The following ANKFN1 variants were observed in gnomAD, a reference collection of about 807,000 sequenced individuals.
ANKFN1 encodes the protein ankyrin repeat and fibronectin type-III domain-containing protein 1.
Under a neutral mutation model 108.7 loss-of-function variants are expected in ANKFN1, and 74 were observed. That is an observed-to-expected ratio of 0.68 (90% CI 0.56 to 0.83). The LOEUF (loss-of-function observed/expected upper bound fraction) is 0.83. ANKFN1 is among the 40% of genes least tolerant of loss of function. The pLI is 0.00. For missense variants in ANKFN1, 1,505 were observed against 1,382.3 expected, an observed-to-expected ratio of 1.09 and a Z score of -1.41; for synonymous variants, 547 against 516.2, an observed-to-expected ratio of 1.06 and a Z score of -0.81.
rs546675150 is a variant in ANKFN1, at chr17:56,100,207, C to A, written c.288+53882C>A. ...TTGTGCACTCTCAAGTATTCTGTATCTGTCCCATCTTCTCTGCAAGGAAGT... is the reference window on the plus strand; with the variant it reads ...TTGTGCACTCTCAAGTATTCTGTATATGTCCCATCTTCTCTGCAAGGAAGT... On this transcript the variant is annotated intron_variant, in intron 4 of 12. Transcript: ENST00000635860. Among the ~76,000 whole-genome samples the A allele has an allele frequency of 5.3e-5, 8 of 152,348 alleles. No homozygotes were observed. In the South Asian group the frequency reaches 1.2e-3, roughly 24 times the overall value.
intron 1 of ANKFN1, among the ~76,000 whole-genome samples, chr17:56,194,458 G>T (rs1298899508): frequency 2.0e-5 from 3 of 152,150 alleles, no homozygotes; most frequent in Non-Finnish European, 4.4e-5. Flanking sequence ...GTCATGAAAA[G>T]ACATGGGGAA....
intron 6 of ANKFN1, among the ~76,000 whole-genome samples, chr17:56,361,103 G>A (rs1438736152): frequency 6.6e-6 from 1 of 151,888 alleles, no homozygotes; most frequent in Non-Finnish European, 1.5e-5. Context: ...TCTGTGTGTG[G>A]CTTTTTTTAC....
rs1295707239 is a variant in ANKFN1 at position 56,514,225 on chromosome 17, A to C, written c.*2956A>C. On this transcript the variant is annotated 3_prime_UTR_variant, in exon 21 of 21. Coordinates refer to ENST00000682825, the MANE Select transcript of ANKFN1 (RefSeq NM_001370326.1). ...TTGTGAAAATCCTCAAAAATCCTTG[A>C]CTGAGGTTCTCCCATATGTCTATCT... Among the ~76,000 whole-genome samples the C allele has an allele frequency of 2.0e-5, 3 of 152,162 alleles. No individual in the cohort carries two copies. Among genetic ancestry groups the C allele is most frequent in the Non-Finnish European group, 2.9e-5 (2 of 68,026 alleles).
Position 56,189,170 on chromosome 17 carries a change from C to CTTTTTTTTTTT in ANKFN1, c.-70-23420_-70-23410dup, listed in dbSNP as rs532063852. On this transcript the variant is annotated intron_variant, in intron 1 of 20. Coordinates refer to ENST00000682825, the MANE Select transcript of ANKFN1 (RefSeq NM_001370326.1). ...CCTAAGTAAGTAAATGTTGCCCTGA[C>CTTTTTTTTTTT]TTTTTTTTTTTTTTTTTTGAGACGG... 6.2e-3 allele frequency among the ~76,000 whole-genome samples: 528 copies of CTTTTTTTTTTT among 85,186 alleles called. 48 individuals are homozygous for CTTTTTTTTTTT. The highest frequency in any genetic ancestry group is 0.029 in the East Asian group (58 of 2,016). The allele number at this position is 85,186 out of a possible 152,430, so 55.9% of individuals were successfully genotyped here. A position where few individuals can be genotyped will look rare whatever the true frequency, so the allele number is the denominator to read the frequency against.
At chr17:56,060,906 C>G (rs1455715980) in intron 4 of ANKFN1, among the ~76,000 whole-genome samples, 1 of 152,174 alleles carries the variant, frequency 6.6e-6, no homozygotes, top group African/African-American at 2.4e-5. Flanking sequence ...TTAGTTGTGT[C>G]TCCTCCAGGT....
chr17:56,383,906 G>A (rs1598496423), intron 8 of ANKFN1, among the ~76,000 whole-genome samples: 1 of 152,160 alleles, frequency 6.6e-6, no homozygotes, highest in South Asian at 2.1e-4. Flanking sequence ...GGTACAAGGA[G>A]GAACTGGTAC....
intron 1 of ANKFN1, among the ~76,000 whole-genome samples, chr17:56,161,501 T>C (rs928355645): frequency 2.0e-5 from 3 of 152,222 alleles, no homozygotes; most frequent in African/African-American, 7.2e-5. Flanking sequence ...TTGCTTGAGC[T>C]GCTGATACAA....
chr17:56,172,802 C>A (rs993714281), intron 1 of ANKFN1, among the ~76,000 whole-genome samples: 1 of 152,182 alleles, frequency 6.6e-6, no homozygotes, highest in African/African-American at 2.4e-5. Context: ...AAGGCACTAC[C>A]TGACAACTGA....
At position 56,466,556 on chromosome 17, in the gene ANKFN1, A is replaced by G. The variant is rs2050078969; in HGVS notation, c.1758A>G (p.Leu586=). 1 of 1,610,904 alleles carries G rather than the reference A, an allele frequency of 6.2e-7. No homozygotes were observed. Among genetic ancestry groups the G allele is most frequent in the Non-Finnish European group, 8.5e-7 (1 of 1,178,418 alleles). Residue 586 remains leucine (L), a synonymous_variant, in exon 15 of 21, where the codon CTA becomes CTG. Transcript: ENST00000682825. ...TPEEPTALDI[L]LITIQDILSY... is the part of the protein sequence containing the mutation. ...AGGAGCCAACAGCTTTAGACATTCTACTGATAACCATCCAGGTATGTAGTT... is the reference window on the plus strand; with the variant it reads ...AGGAGCCAACAGCTTTAGACATTCTGCTGATAACCATCCAGGTATGTAGTT...
At chr17:56,335,605 G>A (rs2144590523) in intron 4 of ANKFN1, among the ~76,000 whole-genome samples, 1 of 152,286 alleles carries the variant, frequency 6.6e-6, no homozygotes, top group East Asian at 1.9e-4. Flanking sequence ...TCAGCTTAAG[G>A]AGATTTTGGG....
intron 4 of ANKFN1, among the ~76,000 whole-genome samples, chr17:56,121,915 T>A (rs1406291575): frequency 6.6e-6 from 1 of 152,160 alleles, no homozygotes; most frequent in African/African-American, 2.4e-5. Context: ...TAGACATTCC[T>A]CAGGAAGGTG....
intron 20 of ANKFN1, 38 bp from the exon 21 acceptor site, chr17:56,510,435 G>A (rs1183831338): frequency 1.3e-6 from 2 of 1,511,820 alleles, no homozygotes; most frequent in African/African-American, 1.4e-5. Context: ...CTCTAGCTAA[G>A]ACTATATTTT....
chr17:56,061,823 G>A (rs1386882913), intron 4 of ANKFN1, among the ~76,000 whole-genome samples: 2 of 152,168 alleles, frequency 1.3e-5, no homozygotes, highest in Non-Finnish European at 2.9e-5. Context: ...TCTTAGAGAT[G>A]TTAGGGTGTT....
rs1294464491 is a variant in ANKFN1 at position 56,167,810 on chromosome 17, G to A, written c.-71+14280G>A. The stretch of plus-strand genomic sequence containing the variant: ...AACTTCCAGTGCTACAGCAGGGGAA[G>A]AGGGAGAGAGAGTGTAAAGGCTCTC... On this transcript the variant is annotated intron_variant, in intron 1 of 20. Transcript: ENST00000682825. Among the ~76,000 whole-genome samples, 2 of 152,174 alleles carry A rather than the reference G, an allele frequency of 1.3e-5. 1 individual carries two copies. The highest frequency in any genetic ancestry group is 4.8e-5 in the African/African-American group (2 of 41,434).
chr17:56,496,496 G>A (rs1738141995), intron 19 of ANKFN1, among the ~76,000 whole-genome samples: 1 of 152,124 alleles, frequency 6.6e-6, no homozygotes, highest in South Asian at 2.1e-4. Flanking sequence ...GGAGGCTCTA[G>A]AGGAGAATCT....
At position 56,411,822 on chromosome 17, in the gene ANKFN1, A is replaced by G. The variant is rs145303646; in HGVS notation, c.911-28505A>G. ...TTTATATATGTTGAAATCCCTTCATACCCCTGGAATGAATCCCACTTCATC... is the reference window on the plus strand; with the variant it reads ...TTTATATATGTTGAAATCCCTTCATGCCCCTGGAATGAATCCCACTTCATC... On this transcript the variant is annotated intron_variant, in intron 8 of 20. Transcript: ENST00000682825. 1.3e-4 allele frequency among the ~76,000 whole-genome samples: 20 copies of G among 152,240 alleles called. No individual in the cohort carries two copies. The East Asian group carries it at 3.9e-3, about 29-fold the overall frequency.
intron 3 of ANKFN1, among the ~76,000 whole-genome samples, chr17:56,256,096 G>C (rs919736742): frequency 1.3e-5 from 2 of 152,166 alleles, no homozygotes; most frequent in Non-Finnish European, 1.5e-5. Flanking sequence ...TGCCCCAAGA[G>C]TGGCCATTTC....
chr17:56,426,793 A>G (rs2048584355), intron 8 of ANKFN1, among the ~76,000 whole-genome samples: 1 of 152,210 alleles, frequency 6.6e-6, no homozygotes, highest in Admixed American at 6.5e-5. Flanking sequence ...AGAATCCCCC[A>G]AAAAAGAACT....
chr17:56,230,903 A>G (rs1019177487), intron 3 of ANKFN1, among the ~76,000 whole-genome samples: 2 of 152,044 alleles, frequency 1.3e-5, no homozygotes, highest in Admixed American at 1.3e-4. Flanking sequence ...TGAGGTGGGG[A>G]AAAAGAAAGA....
Sources: allele counts gnomAD v4.1 joint callset (sites outside exome capture counted in the v4.1 genomes callset), GRCh38; gene constraint gnomAD v4.1.1; transcripts MANE v1.5; gene names NCBI Gene and HGNC (gene_info 2026-07-23, HGNC 2026-07-21).